Variants in ZNF7 observed in about 807,000 individuals in gnomAD.
ZNF7 encodes zinc finger protein 7, also known as C2-H2 type zinc finger protein.
In ZNF7, 10 loss-of-function variants were observed where a neutral mutation model predicts 12.0. That is an observed-to-expected ratio of 0.83 (90% CI 0.51 to 1.42). The LOEUF is 1.42. ZNF7 is among the 40% of genes most tolerant of loss of function. ZNF7 has a pLI of 0.00. For missense variants in ZNF7, 854 were observed against 837.2 expected (o/e 1.02, Z -0.25); for synonymous variants, 334 against 295.0 (o/e 1.13, Z -1.35).
chr8:144,842,060 G>A lies in ZNF7; in HGVS notation c.953G>A (p.Ser318Asn). ...GAATGTGGAAAAGCTTTTGGTCAGA[G>A]CTCAAGCCTCATCCACCATCAGAGA... is the stretch of plus-strand genomic sequence containing the variant. ...CEECGKAFGQ[S>N]SSLIHHQRIH... Residue 318 changes from serine to asparagine, a missense_variant, in exon 5 of 5, where the codon AGC becomes AAC. Coordinates refer to ENST00000532777, the MANE Select transcript of ZNF7 (RefSeq NM_003416.4). The A allele has an allele frequency of 6.2e-7, 1 of 1,614,144 alleles. No homozygotes were observed. The highest frequency in any genetic ancestry group is 2.2e-5 in the East Asian group (1 of 44,874).
In ZNF7 at chr8:144,841,649, G is replaced by C. The variant is rs777245446; in HGVS notation, c.542G>C (p.Cys181Ser). ...CKELGSSGLD[C>S]QPLESQGESA... ...GAGCTGGGAAGCAGCGGCCTGGATT[G>C]TCAGCCTCTTGAAAGTCAGGGAGAG... is the stretch of plus-strand genomic sequence containing the variant. Residue 181 changes from cysteine to serine, a missense_variant, in exon 5 of 5, where the codon TGT becomes TCT. Cys to Ser is a moderately radical substitution (Grantham distance 112, BLOSUM62 -1). Transcript: ENST00000532777. The C allele has an allele frequency of 1.9e-6, 3 of 1,614,092 alleles. No individual in the cohort carries two copies. The African/African-American group carries it at 4.0e-5, about 22-fold the overall frequency.
At chr8:144,846,464 C>G (rs983363890), downstream of ZNF7, 1 of 322,972 alleles carries the variant, frequency 3.1e-6, no homozygotes, top group Admixed American at 4.3e-5. Flanking sequence ...CATGGAGCCT[C>G]TGGCGGCTTT....
At chr8:144,833,239 A>T (rs1375567737) in intron 3 of ZNF7, among the ~76,000 whole-genome samples, 6 of 150,530 alleles carry the variant, frequency 4.0e-5, no homozygotes, top group African/African-American at 1.5e-4. Context: ...TCCTGTTGAC[A>T]TGTGGAGCCA....
At chr8:144,847,191 AG>A (rs3834366), downstream of ZNF7, 57,188 of 152,178 alleles carry the variant, frequency 0.38, 10,862 homozygotes, top group South Asian at 0.46. Context: ...GGAGAGGGAG[AG>A]GAAGAGGGGC....
Position 144,842,468 on chromosome 8 carries a change from C to G in ZNF7, c.1361C>G (p.Ser454Ter). Reference sequence around the variant, plus strand: ...TGTACAAAAGCCTTTGGTTGTAGTTCACGGCTTATTCGCCATCAGAGAACT... The same window carrying G: ...TGTACAAAAGCCTTTGGTTGTAGTTGACGGCTTATTCGCCATCAGAGAACT... ...NKCTKAFGCSSRLIRHQRTHT... is the reference protein window; with the variant it reads ...NKCTKAFGCS The change falls in exon 5 of 5, where the codon TCA becomes TGA. Residue 454 changes from serine (S) to a stop codon, truncating the protein, a stop_gained. Transcript: ENST00000532777. LOFTEE classifies it low-confidence loss of function (END_TRUNC). 6.2e-7 allele frequency: 1 copy of G among 1,614,118 alleles called. No individual in the cohort carries two copies. Among genetic ancestry groups the G allele is most frequent in the South Asian group, 1.1e-5 (1 of 91,060 alleles).
chr8:144,830,604 T>C (rs530718336), intron 3 of ZNF7, among the ~76,000 whole-genome samples: 1 of 152,384 alleles, frequency 6.6e-6, no homozygotes, highest in South Asian at 2.1e-4. Context: ...GGAATGCTAC[T>C]GATTACACGC....
chr8:144,836,020 T>TA (rs1828943226), intron 3 of ZNF7: 1 of 152,250 alleles, frequency 6.6e-6, no homozygotes. Context: ...ATTTGTGTTT[T>TA]AAAATGATCA....
chr8:144,837,891 G>A, intron 4 of ZNF7: 1 of 582,264 alleles, frequency 1.7e-6, no homozygotes. Context: ...CATATTCCCT[G>A]AGGCAGCTCC....
chr8:144,845,362 T>TG (rs1830454272), downstream of ZNF7, among the ~76,000 whole-genome samples: 1 of 150,772 alleles, frequency 6.6e-6, no homozygotes, highest in Non-Finnish European at 1.5e-5. Flanking sequence ...TGTTGGGAGC[T>TG]GGGGGGCCAT....
intron 1 of ZNF7, 68 bp downstream of exon 1, chr8:144,827,677 G>A (rs932986815): frequency 1.0e-6 from 1 of 985,170 alleles, no homozygotes; most frequent in Non-Finnish European, 1.2e-6. Flanking sequence ...CGCTTCCTTA[G>A]CCCTCCCGCC....
At chr8:144,833,797 T>C (rs1409505158) in intron 3 of ZNF7, 1 of 152,230 alleles carries the variant, frequency 6.6e-6, no homozygotes, top group Non-Finnish European at 1.5e-5. Flanking sequence ...CTTTTTTTTC[T>C]GGGACGGAGT....
chr8:144,845,894 A>C, downstream of ZNF7: 2 of 1,364,346 alleles, frequency 1.5e-6, no homozygotes, highest in Non-Finnish European at 2.0e-6. Flanking sequence ...GGCTGCTGAG[A>C]AGGGTCTTGG....
In ZNF7 at chr8:144,841,967, TC is replaced by T; in HGVS notation, c.862del (p.Arg288AlafsTer2). The T allele has an allele frequency of 6.2e-7, 1 of 1,614,168 alleles. No individual in the cohort carries two copies. Among genetic ancestry groups the T allele is most frequent in the South Asian group, 1.1e-5 (1 of 91,076 alleles). On this transcript the variant is annotated frameshift_variant, in exon 5 of 5. Transcript: ENST00000532777. LOFTEE classifies it low-confidence loss of function (END_TRUNC). ...AAATGCACTGAGTGTGGAAAAGCCT[TC>T]CGCCTGAGCTCAAAACTTATTCAGC... ...PFKCTECGKAFRLSSKLIQHQ... is the reference protein window; with the variant it reads ...PFKCTECGKAXRLSSKLIQHQ...
intron 3 of ZNF7, among the ~76,000 whole-genome samples, chr8:144,832,620 C>T (rs902625952): frequency 5.3e-5 from 8 of 150,000 alleles, no homozygotes; most frequent in Non-Finnish European, 7.4e-5. Context: ...CTTGGCTTCT[C>T]AGGAGGCTGA....
downstream of ZNF7, chr8:144,846,779 AG>A (rs1830532812): frequency 6.6e-6 from 1 of 152,168 alleles, no homozygotes; most frequent in Non-Finnish European, 1.5e-5. Context: ...GCTCACTGCA[AG>A]CTCCGCCACC....
intron 4 of ZNF7, 52 bp downstream of exon 4, chr8:144,837,559 G>C (rs112788690): frequency 7.1e-7 from 1 of 1,411,456 alleles, no homozygotes; most frequent in Admixed American, 1.9e-5. Context: ...AGAAACTGCA[G>C]GAGGGGCCTC....
chr8:144,844,726 A>AAC (rs1563850647), downstream of ZNF7, among the ~76,000 whole-genome samples: 10 of 60,822 alleles, frequency 1.6e-4, no homozygotes, highest in African/African-American at 6.3e-4. Context: ...AAAAAAAAAA[A>AAC]AAAAAAAAAA....
downstream of ZNF7, chr8:144,846,142 C>T (rs1361359276): frequency 2.1e-5 from 33 of 1,536,184 alleles, no homozygotes; most frequent in Non-Finnish European, 2.4e-5. Context: ...ATGATCAGGA[C>T]AGAAGGAGGG....
intron 4 of ZNF7, chr8:144,838,278 G>T (rs991096870): frequency 5.0e-6 from 3 of 599,378 alleles, no homozygotes; most frequent in Admixed American, 5.5e-5. Context: ...TGACCTCATG[G>T]TGACTAATTA....
Sources: gnomAD v4.1 joint callset for allele counts (sites outside exome capture counted in the v4.1 genomes callset) on GRCh38, gnomAD v4.1.1 for gene constraint, MANE v1.5 for transcripts, NCBI Gene and HGNC (gene_info 2026-07-23, HGNC 2026-07-21) for gene names.